The following MCTP2 variants were observed in gnomAD, a reference collection of about 807,000 sequenced individuals.
MCTP2 encodes multiple C2 and transmembrane domain containing 2.
MCTP2 carries 132 observed loss-of-function variants against 111.6 expected under a neutral mutation model. The observed-to-expected ratio is 1.18, with a 90% CI of 1.03 to 1.37. The LOEUF is 1.37. MCTP2 is among the 40% of genes most tolerant of loss of function. The pLI is 0.00. For synonymous variants in MCTP2, 395 were observed against 387.7 expected (o/e 1.02, Z -0.22); for missense variants, 1,183 against 1,067.9 (o/e 1.11, Z -1.50).
At chr15:94,278,710 T>TTA (rs397824998) in intron 1 of MCTP2, among the ~76,000 whole-genome samples, 1 of 151,708 alleles carries the variant, frequency 6.6e-6, no homozygotes, top group Non-Finnish European at 1.5e-5. Context: ...GTAGTTTTTT[T>TTA]TGAAAATCCC....
At chr15:94,236,955 A>C (rs1596119574) in intron 1 of MCTP2, among the ~76,000 whole-genome samples, 1 of 152,070 alleles carries the variant, frequency 6.6e-6, no homozygotes, top group East Asian at 1.9e-4. Context: ...GTGGGTGATG[A>C]GAGAGAGGGA....
At chr15:94,436,347 TTAGA>T (rs775191116) in intron 17 of MCTP2, among the ~76,000 whole-genome samples, 6 of 152,352 alleles carry the variant, frequency 3.9e-5, no homozygotes, top group South Asian at 2.1e-4. Flanking sequence ...TTGAAGATGC[TTAGA>T]TAATTAGACT....
chr15:94,421,194 A>T (rs1319232065), intron 17 of MCTP2, among the ~76,000 whole-genome samples: 1 of 151,482 alleles, frequency 6.6e-6, no homozygotes, highest in Non-Finnish European at 1.5e-5. Flanking sequence ...GCAACTTACC[A>T]TTGCATATGT....
intron 17 of MCTP2, among the ~76,000 whole-genome samples, chr15:94,416,921 A>G (rs936977295): frequency 3.3e-5 from 5 of 152,090 alleles, no homozygotes; most frequent in African/African-American, 1.2e-4. Context: ...GGCTGTTTTT[A>G]CTGTGGTTAG....
intron 4 of MCTP2, among the ~76,000 whole-genome samples, chr15:94,334,601 TC>T (rs2077270020): frequency 1.3e-5 from 2 of 152,248 alleles, no homozygotes; most frequent in African/African-American, 2.4e-5. Context: ...AGTGGCATAA[TC>T]CTAGCTCATG....
At chr15:94,347,787 A>G (rs2078062632) in intron 8 of MCTP2, among the ~76,000 whole-genome samples, 1 of 152,190 alleles carries the variant, frequency 6.6e-6, no homozygotes, top group Non-Finnish European at 1.5e-5. Flanking sequence ...ACCTTACATC[A>G]AATAGTCTAA....
At chr15:94,389,172 G>T (rs12591685) in intron 14 of MCTP2, among the ~76,000 whole-genome samples, 50,465 of 151,808 alleles carry the variant, frequency 0.33, 9,321 homozygotes, top group East Asian at 0.81. Flanking sequence ...TGGGTCAGGG[G>T]TGAGTGGCGT....
chr15:94,371,661 T>G (rs868655988), intron 12 of MCTP2, among the ~76,000 whole-genome samples: 2 of 152,156 alleles, frequency 1.3e-5, no homozygotes, highest in African/African-American at 4.8e-5. Context: ...TGAAGGCTTG[T>G]TTACAACAAC....
intron 17 of MCTP2, among the ~76,000 whole-genome samples, chr15:94,408,468 G>C (rs1271075467): frequency 6.6e-6 from 1 of 152,032 alleles, no homozygotes; most frequent in Non-Finnish European, 1.5e-5. Flanking sequence ...TTTCATGAAG[G>C]ACTACATAAT....
rs914247127 is a variant in MCTP2 at position 94,480,965 on chromosome 15, T to A, written c.*1931T>A. 4 of 152,138 alleles carry A rather than the reference T, an allele frequency of 2.6e-5. No individual in the cohort carries two copies. The highest frequency in any genetic ancestry group is 7.2e-5 in the African/African-American group (3 of 41,440). The allele number at this position is 152,138 out of a possible 1,614,324, so 9.4% of individuals were successfully genotyped here. On this transcript the variant is annotated 3_prime_UTR_variant, in exon 23 of 23. Coordinates refer to ENST00000357742, the MANE Select transcript of MCTP2 (RefSeq NM_001385001.1). The stretch of plus-strand genomic sequence containing the variant: ...AGGACCGAATCAACCTTGAATAAAC[T>A]GTATATAGAAAACAATTGTTAGTTG...
At chr15:94,240,070 T>G (rs915233450) in intron 1 of MCTP2, among the ~76,000 whole-genome samples, 1 of 152,124 alleles carries the variant, frequency 6.6e-6, no homozygotes, top group African/African-American at 2.4e-5. Flanking sequence ...TTGGTAGTTT[T>G]TTTTTTGTTT....
chr15:94,370,724 C>T (rs564985206), intron 12 of MCTP2, among the ~76,000 whole-genome samples: 7 of 152,060 alleles, frequency 4.6e-5, no homozygotes, highest in Non-Finnish European at 7.4e-5. Context: ...AGCAGACATG[C>T]TTTGTGCTGG....
chr15:94,393,089 GAAT>G (rs1273609103), intron 14 of MCTP2, among the ~76,000 whole-genome samples: 3 of 151,936 alleles, frequency 2.0e-5, no homozygotes, highest in Non-Finnish European at 4.4e-5. Flanking sequence ...TATTATCTTT[GAAT>G]AATAATATGT....
chr15:94,269,661 C>T (rs547822078), intron 1 of MCTP2, among the ~76,000 whole-genome samples: 1 of 152,228 alleles, frequency 6.6e-6, no homozygotes, highest in Non-Finnish European at 1.5e-5. Flanking sequence ...TTAGGAAATA[C>T]TCAACAAATA....
At position 94,425,128 on chromosome 15, in the gene MCTP2, T is replaced by A. The variant is rs151057325; in HGVS notation, c.2086-15048T>A. On this transcript the variant is annotated intron_variant, in intron 17 of 22. Transcript: ENST00000357742. ...CTTTAATTTTGTTTAAATTTTAAAT[T>A]ACATCTTTAAATCTACTTGTGTTTT... is the stretch of plus-strand genomic sequence containing the variant. Among the ~76,000 whole-genome samples, 878 of 152,320 alleles carry A rather than the reference T, an allele frequency of 5.8e-3. 4 individuals carry two copies. The highest frequency in any genetic ancestry group is 9.1e-3 in the Non-Finnish European group (618 of 68,028).
intron 2 of MCTP2, among the ~76,000 whole-genome samples, chr15:94,308,107 C>T (rs1281765435): frequency 6.6e-6 from 1 of 152,178 alleles, no homozygotes; most frequent in Non-Finnish European, 1.5e-5. Context: ...AGAGTCCTCG[C>T]ACAGTGTCTG....
chr15:94,341,999 A>G (rs1308140259), intron 7 of MCTP2: 1 of 152,150 alleles, frequency 6.6e-6, no homozygotes, highest in Non-Finnish European at 1.5e-5. Context: ...CTCTGGATTC[A>G]GTGTCAGTGA....
intron 3 of MCTP2, 51 bp downstream of exon 3, chr15:94,314,395 T>A: frequency 4.5e-5 from 53 of 1,169,204 alleles, no homozygotes; most frequent in Non-Finnish European, 6.2e-5. Context: ...ATATTTCTCA[T>A]CAAATGTTTG....
intron 14 of MCTP2, among the ~76,000 whole-genome samples, chr15:94,390,072 A>AGATATATG (rs1354607776): frequency 6.0e-5 from 1 of 16,646 alleles, no homozygotes; most frequent in African/African-American, 1.5e-4. Flanking sequence ...ATATATATAT[A>AGATATATG]TATATATATA....
Sources: gnomAD v4.1 joint callset for allele counts (sites outside exome capture counted in the v4.1 genomes callset) on GRCh38, gnomAD v4.1.1 for gene constraint, MANE v1.5 for transcripts, NCBI Gene and HGNC (gene_info 2026-07-23, HGNC 2026-07-21) for gene names.